Variants in NLGN4X observed in about 807,000 individuals in gnomAD.
The protein encoded by NLGN4X is neuroligin-4, X-linked.
Under a neutral mutation model 40.3 loss-of-function variants are expected in NLGN4X, and 3 were observed. The ratio of observed to expected loss-of-function variants is 0.07; its 90% CI spans 0.03 to 0.19. The LOEUF is 0.19. NLGN4X is among the 10% of genes least tolerant of loss of function. The pLI, the probability that NLGN4X is intolerant of heterozygous loss-of-function variation, is 1.00. For synonymous variants in NLGN4X, 270 were observed against 306.8 expected (o/e 0.88, Z 1.25); for missense variants, 382 against 708.3 (o/e 0.54, Z 5.23).
intron 3 of NLGN4X, among the ~76,000 whole-genome samples, chrX:5,976,689 T>C (rs1445030802): frequency 9.9e-6 from 1 of 100,530 alleles, no homozygotes; most frequent in Non-Finnish European, 1.9e-5. Context: ...ACACACTTTA[T>C]TTTATGTTTT....
intron 2 of NLGN4X, among the ~76,000 whole-genome samples, chrX:6,111,583 TA>T (rs2039150203): frequency 9.1e-6 from 1 of 110,397 alleles, no homozygotes; most frequent in African/African-American, 3.3e-5. Flanking sequence ...TACTAAAAAT[TA>T]AAAAAATAAA....
chrX:6,033,863 C>A (rs4376629), intron 2 of NLGN4X, among the ~76,000 whole-genome samples: 46,993 of 110,843 alleles, frequency 0.42, 7,434 homozygotes, highest in Admixed American at 0.5. Context: ...TAGACAGATG[C>A]AGCCCATATG....
intron 3 of NLGN4X, among the ~76,000 whole-genome samples, chrX:5,997,586 G>GTGTGTATATATACACATA (rs2035856606): frequency 2.1e-5 from 1 of 46,828 alleles, no homozygotes; most frequent in Non-Finnish European, 4.2e-5. Context: ...GTGTGTGTGT[G>GTGTGTATATATACACATA]TATATATATA....
At chrX:5,957,674 C>T (rs190839708) in intron 3 of NLGN4X, among the ~76,000 whole-genome samples, 4 of 111,459 alleles carry the variant, frequency 3.6e-5, no homozygotes, top group African/African-American at 1.3e-4. Context: ...TTTACCAAGA[C>T]AGCTGGTATG....
At chrX:6,126,892 CA>C (rs754132250) in intron 2 of NLGN4X, among the ~76,000 whole-genome samples, 48 of 112,219 alleles carry the variant, frequency 4.3e-4, no homozygotes, top group Admixed American at 1.0e-3. Flanking sequence ...TTTAATCTTG[CA>C]GGAATGGATC....
chrX:6,156,543 T>C (rs1483761255), intron 1 of NLGN4X, among the ~76,000 whole-genome samples: 1 of 111,765 alleles, frequency 8.9e-6, no homozygotes, highest in Admixed American at 9.5e-5. Flanking sequence ...AAAAAACAAA[T>C]GAAATCATGT....
intron 3 of NLGN4X, among the ~76,000 whole-genome samples, chrX:5,984,328 T>G (rs1308192334): frequency 2.7e-5 from 3 of 109,248 alleles, no homozygotes; most frequent in Non-Finnish European, 3.8e-5. Context: ...TTATAGGTCT[T>G]GAGAAAAAGT....
chrX:6,086,264 G>A (rs1292537851), intron 2 of NLGN4X, among the ~76,000 whole-genome samples: 1 of 111,861 alleles, frequency 8.9e-6, no homozygotes, highest in East Asian at 2.8e-4. Context: ...GAAAGAAAAT[G>A]TTTTCATGTG....
chrX:5,924,875 G>T (rs1310921833), intron 3 of NLGN4X, among the ~76,000 whole-genome samples: 5 of 110,371 alleles, frequency 4.5e-5, no homozygotes, highest in Non-Finnish European at 9.5e-5. Flanking sequence ...GAGGGGGTTG[G>T]GGGATAAAAT....
Position 6,184,165 on chromosome X carries a change from C to A in NLGN4X, c.-305-32394G>T, listed in dbSNP as rs773875648. Among the ~76,000 whole-genome samples, 171 of 112,138 alleles carry A rather than the reference C, an allele frequency of 1.5e-3. 2 individuals are homozygous for A. The highest frequency in any genetic ancestry group is 2.8e-3 in the Non-Finnish European group (147 of 53,233). ...TATGAACTTTAAAATCTGTAGCTGGCAAATTTTCCATTTTAAAGTTTACCT... is the reference window on the plus strand; with the variant it reads ...TATGAACTTTAAAATCTGTAGCTGGAAAATTTTCCATTTTAAAGTTTACCT... On this transcript the variant is annotated intron_variant, in intron 1 of 5. Coordinates refer to ENST00000381095, the MANE Select transcript of NLGN4X (RefSeq NM_181332.3).
Position 6,093,069 on chromosome X carries a change from T to C in NLGN4X, c.472+57926A>G, listed in dbSNP as rs779067844. ...ATGGATAAAGCAAAAAAAAAATCAA[T>C]ATTGACATGAAACTGATGAATGCCA... On this transcript the variant is annotated intron_variant, in intron 2 of 5. Coordinates refer to ENST00000381095, the MANE Select transcript of NLGN4X (RefSeq NM_181332.3). Among the ~76,000 whole-genome samples, 3 of 108,277 alleles carry C rather than the reference T, an allele frequency of 2.8e-5. No individual in the cohort carries two copies. The South Asian group carries it at 1.2e-3, about 43-fold the overall frequency. 94.0% of individuals were successfully genotyped at this position (108,277 alleles called of 115,157 possible). A position where few individuals can be genotyped will look rare whatever the true frequency, so the allele number is the denominator to read the frequency against.
intron 1 of NLGN4X, among the ~76,000 whole-genome samples, chrX:6,174,005 C>T (rs1459967356): frequency 1.8e-5 from 2 of 111,132 alleles, no homozygotes; most frequent in African/African-American, 6.6e-5. Flanking sequence ...TTGCAGTGAG[C>T]CGAGATGGTG....
chrX:5,975,507 G>A (rs1176459518), intron 3 of NLGN4X, among the ~76,000 whole-genome samples: 1 of 108,554 alleles, frequency 9.2e-6, no homozygotes, highest in Non-Finnish European at 1.9e-5. Context: ...CAGCTACTCA[G>A]GAGGCTGAGG....
chrX:5,985,426 AATTTATTTTTTTTATTT>A (rs1259422549), intron 3 of NLGN4X, among the ~76,000 whole-genome samples: 2 of 109,705 alleles, frequency 1.8e-5, no homozygotes, highest in Non-Finnish European at 3.8e-5. Flanking sequence ...ACACCTGGCT[AATTTATTTTTTTTATTT>A]ATTTATTTTT....
intron 3 of NLGN4X, among the ~76,000 whole-genome samples, chrX:5,922,591 AG>A (rs2033114076): frequency 2.7e-5 from 3 of 111,938 alleles, no homozygotes; most frequent in African/African-American, 9.7e-5. Flanking sequence ...GGCAGGGCGC[AG>A]TGGCTCACAC....
intron 2 of NLGN4X, among the ~76,000 whole-genome samples, chrX:6,050,989 C>G (rs184605274): frequency 5.8e-4 from 65 of 111,650 alleles, no homozygotes; most frequent in African/African-American, 1.8e-3. Flanking sequence ...AGAGTCCCCA[C>G]AAGATGAGAC....
At chrX:6,084,332 G>A (rs2038442953) in intron 2 of NLGN4X, among the ~76,000 whole-genome samples, 1 of 111,248 alleles carries the variant, frequency 9.0e-6, no homozygotes, top group African/African-American at 3.3e-5. Flanking sequence ...ATTAATGGAA[G>A]GAGAAAAATA....
chrX:5,934,706 T>C (rs1441158706), intron 3 of NLGN4X, among the ~76,000 whole-genome samples: 1 of 112,073 alleles, frequency 8.9e-6, no homozygotes, highest in Non-Finnish European at 1.9e-5. Context: ...TCGTTTATGC[T>C]GCTAAATTTC....
At chrX:6,146,447 T>G (rs1410733154) in intron 2 of NLGN4X, among the ~76,000 whole-genome samples, 1 of 111,973 alleles carries the variant, frequency 8.9e-6, no homozygotes, top group East Asian at 2.8e-4. Flanking sequence ...TCTGGCTTAT[T>G]ATCTACCTCT....
Sources: allele counts gnomAD v4.1 joint callset (sites outside exome capture counted in the v4.1 genomes callset), GRCh38; gene constraint gnomAD v4.1.1; transcripts MANE v1.5; gene names NCBI Gene and HGNC (gene_info 2026-07-23, HGNC 2026-07-21).